XPC: variants seen among roughly 807,000 people sequenced by gnomAD.
XPC encodes XPC complex subunit, DNA damage recognition and repair factor, also known as DNA repair protein complementing XP-C cells.
Under a neutral mutation model 95.8 loss-of-function variants are expected in XPC, and 76 were observed. The observed-to-expected ratio is 0.79, with a 90% CI of 0.66 to 0.96. The LOEUF is 0.96. Ranked by LOEUF, XPC falls within the 40% of genes least tolerant of loss-of-function variation. The pLI is 0.00. For synonymous variants in XPC, 442 were observed against 442.1 expected, an observed-to-expected ratio of 1.00 and a Z score of 0.00; for missense variants, 1,146 against 1,179.8, an observed-to-expected ratio of 0.97 and a Z score of 0.42.
intron 1 of XPC, among the ~76,000 whole-genome samples, chr3:14,173,347 TG>T (rs1696690290): frequency 6.6e-6 from 1 of 152,226 alleles, no homozygotes; most frequent in African/African-American, 2.4e-5. Flanking sequence ...AGATCTTAAA[TG>T]TCAGCTAACC....
chr3:14,161,744 T>G (rs1696175845), intron 7 of XPC, among the ~76,000 whole-genome samples: 1 of 151,010 alleles, frequency 6.6e-6, no homozygotes, highest in South Asian at 2.1e-4. Context: ...TCCCTCTAAT[T>G]ATCAGGAACA....
rs945021456 is a variant in XPC at position 14,156,475 on chromosome 3, G to A, written c.1893C>T (p.Asp631=). 6.2e-7 allele frequency: 1 copy of A among 1,614,024 alleles called. No homozygotes were observed. Residue 631 remains aspartate, a synonymous_variant, in exon 10 of 16, where the codon GAC becomes GAT. Transcript: ENST00000285021. ...AGCCAATGGCAGTGGGCAAAGGCTG[G>A]TCCATGTGTTTAGCCTGAAACTGCA... ...EDLEFQAKHM[D]QPLPTAIGLY...
At chr3:14,171,721 A>G (rs962493392) in intron 2 of XPC, among the ~76,000 whole-genome samples, 13 of 152,272 alleles carry the variant, frequency 8.5e-5, no homozygotes, top group African/African-American at 3.1e-4. Context: ...CTACAGTCCC[A>G]GCTACTCAGG....
At position 14,161,284 on chromosome 3, in the gene XPC, C is replaced by T. The variant is rs182449128; in HGVS notation, c.901-1454G>A. On this transcript the variant is annotated intron_variant, in intron 7 of 15. Transcript: ENST00000285021. ...TAAAGTGGAATTTACCTCAATCTTTCTCCAACTCTTTCAAACGTTAGAAGA... is the reference window on the plus strand; with the variant it reads ...TAAAGTGGAATTTACCTCAATCTTTTTCCAACTCTTTCAAACGTTAGAAGA... Among the ~76,000 whole-genome samples, 718 of 152,246 alleles carry T rather than the reference C, an allele frequency of 4.7e-3. 6 individuals carry two copies. The highest frequency in any genetic ancestry group is 0.016 in the African/African-American group (652 of 41,536).
At chr3:14,162,994 C>T (rs1027090140) in intron 7 of XPC, among the ~76,000 whole-genome samples, 2 of 152,066 alleles carry the variant, frequency 1.3e-5, no homozygotes, top group Non-Finnish European at 2.9e-5. Context: ...CACAAATGAC[C>T]AAGAAGCCCA....
intron 9 of XPC, 118 bp from the exon 10 acceptor site, chr3:14,156,613 GAACACTAATGGTTTTGTAA>G (rs1334782010): frequency 4.0e-5 from 55 of 1,381,050 alleles, no homozygotes; most frequent in Non-Finnish European, 4.1e-5. Flanking sequence ...AAGGTTTCAT[GAACACTAATGGTTTTGTAA>G]CATCGCATCT....
intron 6 of XPC, 57 bp from the exon 7 acceptor site, chr3:14,164,990 T>C: frequency 1.9e-6 from 3 of 1,557,854 alleles, no homozygotes; most frequent in Non-Finnish European, 1.7e-6. Context: ...GGAATTTTCA[T>C]TTCCAGCCAA....
intron 15 of XPC, 147 bp downstream of exon 15, chr3:14,147,143 C>T (rs535802817): frequency 1.2e-4 from 95 of 807,382 alleles, no homozygotes; most frequent in African/African-American, 9.0e-4. Context: ...TAAAAACAAG[C>T]GGCCTTAGAG....
chr3:14,148,586 A>T lies in XPC; in HGVS notation c.2396T>A (p.Phe799Tyr), dbSNP rs770292125. Residue 799 changes from phenylalanine to tyrosine, a missense_variant, in exon 13 of 16, where the codon TTC (phenylalanine) becomes TAC (tyrosine). By Grantham distance (22) the Phe-to-Tyr change is conservative (BLOSUM62 3). Coordinates refer to ENST00000285021, the MANE Select transcript of XPC (RefSeq NM_004628.5). Reference protein sequence around the residue: ...DCVQAITGFDFHGGYSHPVTD... With the variant: ...DCVQAITGFDYHGGYSHPVTD... Reference sequence around the variant, plus strand: ...CACGGGATGGGAGTAGCCGCCATGGAAATCAAAGCCAGTGATGGCCTGGAC... The same window carrying T: ...CACGGGATGGGAGTAGCCGCCATGGTAATCAAAGCCAGTGATGGCCTGGAC... 30 of 1,613,816 alleles carry T rather than the reference A, an allele frequency of 1.9e-5. No homozygotes were observed. The highest frequency in any genetic ancestry group is 2.4e-5 in the Non-Finnish European group (28 of 1,179,864).
intron 1 of XPC, among the ~76,000 whole-genome samples, chr3:14,175,612 G>A (rs1696784659): frequency 6.6e-6 from 1 of 152,214 alleles, no homozygotes; most frequent in African/African-American, 2.4e-5. Flanking sequence ...GGATATCACT[G>A]AAGGTGTTAA....
intron 4 of XPC, 118 bp downstream of exon 4, chr3:14,168,139 T>C (rs1696459458): frequency 7.3e-7 from 1 of 1,374,276 alleles, no homozygotes; most frequent in African/African-American, 1.5e-5. Flanking sequence ...TGACCCAAGG[T>C]TCTCGACCAC....
At chr3:14,165,709 A>T in intron 5 of XPC, 124 bp from the exon 6 acceptor site, 1 of 1,228,542 alleles carries the variant, frequency 8.1e-7, no homozygotes, top group Non-Finnish European at 1.1e-6. Context: ...TACATATAAG[A>T]AAGTAAAAAC....
chr3:14,147,321 C>G lies in XPC; in HGVS notation c.2573G>C (p.Arg858Thr). 1 of 1,612,070 alleles carries G rather than the reference C, an allele frequency of 6.2e-7. No individual in the cohort carries two copies. Among genetic ancestry groups the G allele is most frequent in the Non-Finnish European group, 8.5e-7 (1 of 1,179,210 alleles). Reference sequence around the variant, plus strand: ...CCCGTAGCGACGCTTCAGCCTCTCCCTGATGAGCAGACCTTTGGCCAGCAA... The same window carrying G: ...CCCGTAGCGACGCTTCAGCCTCTCCGTGATGAGCAGACCTTTGGCCAGCAA... ...WKLLAKGLLI[R>T]ERLKRRYGPK... The change falls in exon 15 of 16, where the codon AGG becomes ACG. Residue 858 changes from arginine (R) to threonine (T), a missense_variant. Physicochemically the swap from Arg to Thr is moderately conservative, Grantham distance 71. Coordinates refer to ENST00000285021, the MANE Select transcript of XPC (RefSeq NM_004628.5).
chr3:14,172,274 G>A (rs568594591), intron 2 of XPC, among the ~76,000 whole-genome samples: 74 of 152,316 alleles, frequency 4.9e-4, no homozygotes, highest in African/African-American at 1.6e-3. Context: ...GCCTGGGTAT[G>A]TGGCATGGTA....
At chr3:14,174,467 G>C (rs992527954) in intron 1 of XPC, among the ~76,000 whole-genome samples, 7 of 152,156 alleles carry the variant, frequency 4.6e-5, no homozygotes, top group Non-Finnish European at 1.0e-4. Flanking sequence ...TACTTCAGAG[G>C]CATCACAAAC....
intron 7 of XPC, among the ~76,000 whole-genome samples, chr3:14,161,216 G>A (rs1696154427): frequency 6.6e-6 from 1 of 152,116 alleles, no homozygotes; most frequent in South Asian, 2.1e-4. Flanking sequence ...CAAAGAAAAT[G>A]TCTAGGACTA....
intron 1 of XPC, 152 bp downstream of exon 1, chr3:14,178,314 G>T: frequency 2.3e-6 from 2 of 861,822 alleles, no homozygotes; most frequent in Non-Finnish European, 3.3e-6. Flanking sequence ...ACAGCGGGGA[G>T]GGCCGGCCGC....
intron 1 of XPC, among the ~76,000 whole-genome samples, chr3:14,174,919 A>G (rs1696754273): frequency 6.6e-6 from 1 of 152,018 alleles, no homozygotes; most frequent in African/African-American, 2.4e-5. Flanking sequence ...ATCTTGAGTT[A>G]TCTAATATGC....
At chr3:14,156,247 C>T in intron 10 of XPC, 88 bp downstream of exon 10, 1 of 1,499,586 alleles carries the variant, frequency 6.7e-7, no homozygotes. Context: ...GTCAGATGAG[C>T]TCCCATCAGC....
Sources: allele counts gnomAD v4.1 joint callset (sites outside exome capture counted in the v4.1 genomes callset), GRCh38; gene constraint gnomAD v4.1.1; transcripts MANE v1.5; gene names NCBI Gene and HGNC (gene_info 2026-07-23, HGNC 2026-07-21).